The following NRXN3 variants were observed in gnomAD, a reference collection of about 807,000 sequenced individuals.
The protein encoded by NRXN3 is neurexin 3, also known as neurexin III.
Under a neutral mutation model 137.6 loss-of-function variants are expected in NRXN3, and 32 were observed. The ratio of observed to expected loss-of-function variants is 0.23; its 90% CI spans 0.18 to 0.31. The LOEUF (loss-of-function observed/expected upper bound fraction) is 0.31, where lower values mean the gene tolerates loss of function less well. Among genes scored for constraint, NRXN3 ranks in the 10% least tolerant of loss-of-function variants. NRXN3 has a pLI of 1.00. For synonymous variants in NRXN3, 798 were observed against 784.5 expected, an observed-to-expected ratio of 1.02 and a Z score of -0.29; for missense variants, 1,574 against 2,062.5, an observed-to-expected ratio of 0.76 and a Z score of 4.59.
chr14:79,058,830 G>A (rs945056436), intron 15 of NRXN3, among the ~76,000 whole-genome samples: 11 of 152,072 alleles, frequency 7.2e-5, no homozygotes, highest in East Asian at 1.9e-4. Flanking sequence ...TTTTATGAAC[G>A]TGTGGCATTT....
chr14:78,639,766 T>G (rs1235123113), intron 4 of NRXN3, among the ~76,000 whole-genome samples: 1 of 152,190 alleles, frequency 6.6e-6, no homozygotes, highest in East Asian at 1.9e-4. Context: ...ATGAAAATCA[T>G]AGCGTTACAG....
chr14:79,457,215 G>C (rs2096269782), intron 15 of NRXN3, among the ~76,000 whole-genome samples: 1 of 152,114 alleles, frequency 6.6e-6, no homozygotes, highest in East Asian at 1.9e-4. Context: ...TTTGTGAAGA[G>C]GCTTAATGTT....
At position 79,397,393 on chromosome 14, in the gene NRXN3, G is replaced by A. The variant is rs146154096; in HGVS notation, c.3263-69828G>A. Among the ~76,000 whole-genome samples the A allele has an allele frequency of 1.3e-3, 200 of 152,270 alleles. 1 individual carries two copies. The highest frequency in any genetic ancestry group is 4.4e-3 in the African/African-American group (181 of 41,548). On this transcript the variant is annotated intron_variant, in intron 15 of 20. Coordinates refer to ENST00000335750, the MANE Select transcript of NRXN3 (RefSeq NM_001330195.2). The stretch of plus-strand genomic sequence containing the variant: ...AATCATCTTTGTTGGTGCTAAATAC[G>A]TGTTTATTGAATGAATGAACAAACA...
chr14:78,471,760 C>G (rs1310290544), intron 4 of NRXN3, among the ~76,000 whole-genome samples: 1 of 152,112 alleles, frequency 6.6e-6, no homozygotes, highest in Non-Finnish European at 1.5e-5. Flanking sequence ...ATCAGCTACC[C>G]CCCTAGAAAG....
At chr14:78,532,189 C>T (rs1251869979) in intron 4 of NRXN3, among the ~76,000 whole-genome samples, 4 of 149,836 alleles carry the variant, frequency 2.7e-5, no homozygotes, top group Admixed American at 6.6e-5. Flanking sequence ...CGCGTGGTGG[C>T]ACATGCCTGT....
chr14:79,526,763 C>T (rs2371100), intron 16 of NRXN3, among the ~76,000 whole-genome samples: 151,213 of 152,310 alleles, frequency 0.99, 75,072 homozygotes, highest in East Asian at 1. Context: ...CAGCTAGAAA[C>T]GCTGGGAAAG....
At chr14:79,275,248 TC>T (rs765257085) in intron 15 of NRXN3, among the ~76,000 whole-genome samples, 29 of 152,148 alleles carry the variant, frequency 1.9e-4, no homozygotes, top group Non-Finnish European at 3.7e-4. Context: ...TGTTTGTTTT[TC>T]TCTCCCTAAA....
chr14:79,666,351 T>C (rs1436194596), intron 17 of NRXN3, among the ~76,000 whole-genome samples: 1 of 152,122 alleles, frequency 6.6e-6, no homozygotes, highest in Admixed American at 6.6e-5. Context: ...TGTATAATGC[T>C]GGGACAATTA....
chr14:78,392,998 G>A (rs2090974631), intron 4 of NRXN3, among the ~76,000 whole-genome samples: 1 of 152,036 alleles, frequency 6.6e-6, no homozygotes, highest in African/African-American at 2.4e-5. Flanking sequence ...TTATCTTTCA[G>A]AATCCGAAAG....
chr14:78,432,257 G>T (rs2093911219), intron 4 of NRXN3, among the ~76,000 whole-genome samples: 1 of 151,786 alleles, frequency 6.6e-6, no homozygotes, highest in Non-Finnish European at 1.5e-5. Context: ...GCTCCTTAGT[G>T]TGTGTATGGC....
chr14:79,247,532 C>T (rs1202620423), intron 15 of NRXN3, among the ~76,000 whole-genome samples: 2 of 152,094 alleles, frequency 1.3e-5, no homozygotes, highest in Non-Finnish European at 2.9e-5. Context: ...AACAAGTTTC[C>T]CTGCACATAT....
intron 1 of NRXN3, among the ~76,000 whole-genome samples, chr14:78,222,987 GA>G (rs758591342): frequency 1.3e-5 from 2 of 152,194 alleles, no homozygotes; most frequent in African/African-American, 2.4e-5. Flanking sequence ...CCACATAAAA[GA>G]ATTCAAAACT....
chr14:79,743,847 T>C (rs111783719), intron 19 of NRXN3, among the ~76,000 whole-genome samples: 43 of 152,330 alleles, frequency 2.8e-4, no homozygotes, highest in African/African-American at 1.0e-3. Flanking sequence ...TTGGAATTCA[T>C]GTTTGAGGCC....
At chr14:78,688,850 T>C (rs762757701) in intron 6 of NRXN3, among the ~76,000 whole-genome samples, 3 of 151,668 alleles carry the variant, frequency 2.0e-5, no homozygotes, top group Non-Finnish European at 4.4e-5. Context: ...AGGAAAAGTA[T>C]AGAGAAAAAA....
Position 79,868,027 on chromosome 14 carries a change from TTAAGA to T in NRXN3, c.*6067_*6071del, listed in dbSNP as rs1603620867. On this transcript the variant is annotated 3_prime_UTR_variant, in exon 21 of 21. Coordinates refer to ENST00000335750, the MANE Select transcript of NRXN3 (RefSeq NM_001330195.2). The stretch of plus-strand genomic sequence containing the variant: ...GCCATGGCTCATCTGGTACTGTAAC[TTAAGA>T]TAAACTGCTTAGCTAAGGCTCAGCT... The T allele has an allele frequency of 6.6e-6, 1 of 152,142 alleles. No homozygotes were observed. Among genetic ancestry groups the T allele is most frequent in the Admixed American group, 6.5e-5 (1 of 15,270 alleles). The allele number at this position is 152,142 out of a possible 1,614,324, so 9.4% of individuals were successfully genotyped here. A position where few individuals can be genotyped will look rare whatever the true frequency, so the allele number is the denominator to read the frequency against.
intron 4 of NRXN3, among the ~76,000 whole-genome samples, chr14:78,370,172 T>A (rs1250611127): frequency 6.6e-6 from 1 of 152,146 alleles, no homozygotes; most frequent in Non-Finnish European, 1.5e-5. Flanking sequence ...CACATTTCCT[T>A]GTCCCCAGTC....
chr14:78,281,269 G>A (rs936829115), intron 3 of NRXN3, among the ~76,000 whole-genome samples: 1 of 152,208 alleles, frequency 6.6e-6, no homozygotes, highest in Non-Finnish European at 1.5e-5. Flanking sequence ...CAGCGCTGTG[G>A]TTCTGAAACA....
At chr14:78,752,309 G>A (rs1448788021) in intron 8 of NRXN3, among the ~76,000 whole-genome samples, 3 of 152,196 alleles carry the variant, frequency 2.0e-5, no homozygotes, top group East Asian at 1.9e-4. Flanking sequence ...CCAGCCACTC[G>A]GGAGGCTGAG....
intron 4 of NRXN3, among the ~76,000 whole-genome samples, chr14:78,571,417 C>T (rs2096888210): frequency 6.6e-6 from 1 of 152,096 alleles, no homozygotes; most frequent in African/African-American, 2.4e-5. Context: ...GTTTTGGGCG[C>T]AGCTTTAGTT....
Sources: allele counts gnomAD v4.1 joint callset (sites outside exome capture counted in the v4.1 genomes callset), GRCh38; gene constraint gnomAD v4.1.1; transcripts MANE v1.5; gene names NCBI Gene and HGNC (gene_info 2026-07-23, HGNC 2026-07-21).